Variants in TMEM132D observed in about 807,000 individuals in gnomAD.
The protein encoded by TMEM132D is transmembrane protein 132D.
TMEM132D carries 21 observed loss-of-function variants against 62.3 expected under a neutral mutation model. The ratio of observed to expected loss-of-function variants is 0.34; its 90% confidence interval spans 0.24 to 0.49. TMEM132D has a LOEUF of 0.49. TMEM132D is among the 20% of genes least tolerant of loss of function. TMEM132D has a pLI of 0.99. For missense variants in TMEM132D, 1,346 were observed against 1,402.8 expected, an observed-to-expected ratio of 0.96 and a Z score of 0.65; for synonymous variants, 621 against 575.6, an observed-to-expected ratio of 1.08 and a Z score of -1.13.
rs540187768 is a variant in TMEM132D, at chr12:129,285,760, C to CT, written c.1299+51873dup. ...CCTAAAATACAGGTGTGAAAAGTAA[C>CT]TTTTTTTTTCTCCCTCCATCACTGT... On this transcript the variant is annotated intron_variant, in intron 4 of 8. Transcript: ENST00000422113. Among the ~76,000 whole-genome samples the CT allele has an allele frequency of 1.4e-3, 209 of 151,528 alleles. 2 individuals carry two copies. The highest frequency in any genetic ancestry group is 4.8e-3 in the African/African-American group (199 of 41,336).
intron 3 of TMEM132D, among the ~76,000 whole-genome samples, chr12:129,398,269 C>T (rs1420576025): frequency 6.6e-6 from 1 of 152,162 alleles, no homozygotes; most frequent in African/African-American, 2.4e-5. Flanking sequence ...CTTTCCCTTC[C>T]TCTGAACTAC....
intron 3 of TMEM132D, among the ~76,000 whole-genome samples, chr12:129,339,899 C>T (rs561471826): frequency 6.6e-6 from 1 of 152,346 alleles, no homozygotes; most frequent in South Asian, 2.1e-4. Context: ...CATATGTCCA[C>T]ATCACATTCT....
At chr12:129,293,785 G>A (rs1162203361) in intron 4 of TMEM132D, among the ~76,000 whole-genome samples, 1 of 152,142 alleles carries the variant, frequency 6.6e-6, no homozygotes, top group East Asian at 1.9e-4. Context: ...GGGTAGTAAT[G>A]CGAGCCATGG....
At chr12:129,180,358 A>G (rs752470264) in intron 5 of TMEM132D, among the ~76,000 whole-genome samples, 6 of 152,140 alleles carry the variant, frequency 3.9e-5, no homozygotes, top group Admixed American at 6.5e-5. Context: ...TATGCAGTCT[A>G]TGGTTCTGTG....
intron 2 of TMEM132D, among the ~76,000 whole-genome samples, chr12:129,671,322 G>A (rs1443615011): frequency 6.6e-6 from 1 of 152,138 alleles, no homozygotes; most frequent in South Asian, 2.1e-4. Flanking sequence ...TTGTAAAACG[G>A]TAGTTGCAAT....
rs939209364 is a variant in TMEM132D, at chr12:129,903,824, G to A, written c.-485C>T. 6.8e-6 allele frequency among the ~76,000 whole-genome samples: 1 copy of A among 147,182 alleles called. No individual in the cohort carries two copies. Among genetic ancestry groups the A allele is most frequent in the African/African-American group, 2.4e-5 (1 of 40,940 alleles). On this transcript the variant is annotated 5_prime_UTR_variant, in exon 1 of 9. Transcript: ENST00000422113. The surrounding 1 kb of genome is among the most constrained non-coding windows in gnomAD (Gnocchi z 6.2). ...AGGCGGCTCGGAGCCCCCCGGGCGG[G>A]TGGCCGGGCTCGCTGGGCGGCCCGG...
intron 1 of TMEM132D, among the ~76,000 whole-genome samples, chr12:129,895,866 C>T (rs1350136884): frequency 1.3e-5 from 2 of 151,358 alleles, no homozygotes; most frequent in African/African-American, 4.9e-5. Flanking sequence ...GGCTGAGAAA[C>T]CATATGCCTG....
chr12:129,390,406 C>T (rs1411693848), intron 3 of TMEM132D, among the ~76,000 whole-genome samples: 1 of 148,474 alleles, frequency 6.7e-6, no homozygotes, highest in Non-Finnish European at 1.5e-5. Flanking sequence ...TGTCCATCCC[C>T]TCACCTCCCA....
At chr12:129,080,795 C>G (rs934065505) in intron 7 of TMEM132D, among the ~76,000 whole-genome samples, 8 of 152,198 alleles carry the variant, frequency 5.3e-5, no homozygotes, top group Admixed American at 2.6e-4. Context: ...AGAAAACAAT[C>G]TCTTGCTTTG....
intron 4 of TMEM132D, among the ~76,000 whole-genome samples, chr12:129,312,073 G>T (rs568294048): frequency 1.8e-4 from 27 of 152,352 alleles, no homozygotes; most frequent in African/African-American, 6.5e-4. Context: ...CCAGGTAGTG[G>T]AGTGGGGTCG....
At chr12:129,301,766 ATGAGGAAAC>A (rs1881720463) in intron 4 of TMEM132D, among the ~76,000 whole-genome samples, 1 of 152,098 alleles carries the variant, frequency 6.6e-6, no homozygotes, top group Non-Finnish European at 1.5e-5. Flanking sequence ...CCACTTACAA[ATGAGGAAAC>A]TGAGGTTTAG....
At chr12:129,119,861 G>A (rs971208593) in intron 5 of TMEM132D, among the ~76,000 whole-genome samples, 1 of 152,000 alleles carries the variant, frequency 6.6e-6, no homozygotes, top group African/African-American at 2.4e-5. Context: ...AATAAAATAG[G>A]GCAACAAACT....
intron 1 of TMEM132D, among the ~76,000 whole-genome samples, chr12:129,742,643 C>A (rs550187862): frequency 4.6e-5 from 7 of 152,188 alleles, no homozygotes; most frequent in Non-Finnish European, 8.8e-5. Flanking sequence ...CCAGGAGTAG[C>A]TGCAGAAAAT....
chr12:129,838,734 C>T (rs1276200075), intron 1 of TMEM132D, among the ~76,000 whole-genome samples: 1 of 151,990 alleles, frequency 6.6e-6, no homozygotes, highest in African/African-American at 2.4e-5. Context: ...GAAAAAATGC[C>T]AGCGGCAAAC....
At chr12:129,640,342 A>G (rs919064675) in intron 2 of TMEM132D, among the ~76,000 whole-genome samples, 7 of 152,188 alleles carry the variant, frequency 4.6e-5, no homozygotes, top group African/African-American at 1.7e-4. Context: ...GGACAAAAAC[A>G]AATATGCTTC....
At chr12:129,769,448 T>C (rs1284954955) in intron 1 of TMEM132D, among the ~76,000 whole-genome samples, 1 of 152,104 alleles carries the variant, frequency 6.6e-6, no homozygotes, top group Non-Finnish European at 1.5e-5. Flanking sequence ...GATTCAATTA[T>C]CTCCACCTGG....
chr12:129,708,932 T>G (rs1257089292), intron 1 of TMEM132D, among the ~76,000 whole-genome samples: 1 of 152,114 alleles, frequency 6.6e-6, no homozygotes, highest in Admixed American at 6.5e-5. Context: ...GTCCTAACCA[T>G]GCAGATTAGA....
At chr12:129,193,463 T>G (rs1159424884) in intron 5 of TMEM132D, among the ~76,000 whole-genome samples, 1 of 152,224 alleles carries the variant, frequency 6.6e-6, no homozygotes, top group Admixed American at 6.5e-5. Context: ...TTTGGGCTGC[T>G]GCCACCAGGT....
intron 4 of TMEM132D, among the ~76,000 whole-genome samples, chr12:129,317,759 T>C (rs1868533069): frequency 1.3e-5 from 2 of 152,206 alleles, no homozygotes; most frequent in African/African-American, 4.8e-5. Flanking sequence ...ACAATTCTCT[T>C]CTTCCTCAGG....
Sources: gnomAD v4.1 joint callset for allele counts (sites outside exome capture counted in the v4.1 genomes callset) on GRCh38, gnomAD v4.1.1 for gene constraint, Gnocchi (gnomAD v3.1) non-coding constraint, MANE v1.5 for transcripts, NCBI Gene and HGNC (gene_info 2026-07-23, HGNC 2026-07-21) for gene names.